Variants in WWC1 observed in about 807,000 individuals in gnomAD.
WWC1 encodes the protein WW and C2 domain containing 1, also known as protein KIBRA.
WWC1 carries 55 observed loss-of-function variants against 138.4 expected under a neutral mutation model. The observed-to-expected ratio is 0.40, with a 90% CI of 0.32 to 0.50. The LOEUF is 0.50. Ranked by LOEUF, WWC1 falls within the 20% of genes least tolerant of loss-of-function variation. WWC1 has a pLI of 0.72. For synonymous variants in WWC1, 524 were observed against 564.9 expected (o/e 0.93, Z 1.03); for missense variants, 1,226 against 1,420.4 (o/e 0.86, Z 2.20).
intron 8 of WWC1, 100 bp from the exon 9 acceptor site, chr5:168,414,248 A>G: frequency 6.7e-7 from 1 of 1,483,216 alleles, no homozygotes; most frequent in South Asian, 1.4e-5. Flanking sequence ...GAAGACAGTA[A>G]CTGTCAAAGA....
chr5:168,429,516 C>T (rs1283955966), intron 13 of WWC1, among the ~76,000 whole-genome samples: 4 of 152,074 alleles, frequency 2.6e-5, no homozygotes, highest in African/African-American at 7.2e-5. Flanking sequence ...GCCTTGGCCT[C>T]CCAAAGTGCT....
At position 168,424,797 on chromosome 5, in the gene WWC1, A is replaced by G. The variant is rs533182020; in HGVS notation, c.1810+729A>G. ...GGAGTTTGGATTTTATCCTAATTGC[A>G]CTGGGGACCCATGTGACCGTTTGAA... is the stretch of plus-strand genomic sequence containing the variant. On this transcript the variant is annotated intron_variant, in intron 11 of 22. Coordinates refer to ENST00000265293, the MANE Select transcript of WWC1 (RefSeq NM_015238.3). 2.0e-5 allele frequency among the ~76,000 whole-genome samples: 3 copies of G among 152,332 alleles called. No individual in the cohort carries two copies. In the South Asian group the frequency reaches 6.2e-4, roughly 32 times the overall value.
intron 3 of WWC1, among the ~76,000 whole-genome samples, chr5:168,387,783 G>T (rs1048867768): frequency 2.0e-5 from 3 of 152,088 alleles, no homozygotes; most frequent in Non-Finnish European, 2.9e-5. Flanking sequence ...TGGGGATTAG[G>T]ACATCAATGT....
chr5:168,392,451 C>G (rs761607181), intron 3 of WWC1, among the ~76,000 whole-genome samples: 5 of 152,130 alleles, frequency 3.3e-5, no homozygotes, highest in Admixed American at 3.3e-4. Flanking sequence ...CTTTGAGAGG[C>G]CGAGATGGGA....
intron 2 of WWC1, among the ~76,000 whole-genome samples, chr5:168,375,834 C>G (rs1279547555): frequency 6.6e-6 from 1 of 152,094 alleles, no homozygotes; most frequent in African/African-American, 2.4e-5. Context: ...CTTGGCCTCC[C>G]AAAGTGCTGG....
At chr5:168,421,498 G>C (rs1222894084) in intron 9 of WWC1, among the ~76,000 whole-genome samples, 1 of 152,202 alleles carries the variant, frequency 6.6e-6, no homozygotes, top group Non-Finnish European at 1.5e-5. Context: ...CTCCCCAGTA[G>C]AATGTAAGCC....
chr5:168,392,358 C>T (rs1179472563), intron 3 of WWC1, among the ~76,000 whole-genome samples: 2 of 152,142 alleles, frequency 1.3e-5, no homozygotes, highest in Non-Finnish European at 2.9e-5. Flanking sequence ...AAGACACTGA[C>T]ATTGAGGATT....
At chr5:168,405,673 C>T (rs1779726766) in intron 5 of WWC1, among the ~76,000 whole-genome samples, 2 of 150,686 alleles carry the variant, frequency 1.3e-5, no homozygotes, top group African/African-American at 4.9e-5. Context: ...CAGCCACACA[C>T]GTTGGCCGTT....
intron 15 of WWC1, among the ~76,000 whole-genome samples, chr5:168,432,490 C>T (rs780347280): frequency 3.3e-5 from 5 of 152,202 alleles, no homozygotes; most frequent in Admixed American, 1.3e-4. Flanking sequence ...ATAGCTAACT[C>T]GGGCTTGTGA....
intron 1 of WWC1, among the ~76,000 whole-genome samples, chr5:168,306,877 G>A (rs1770607744): frequency 1.3e-5 from 2 of 152,148 alleles, no homozygotes; most frequent in African/African-American, 2.4e-5. Context: ...GATTATAGGC[G>A]TAAGCCACCA....
intron 1 of WWC1, among the ~76,000 whole-genome samples, chr5:168,311,013 G>A (rs1467424902): frequency 6.6e-6 from 1 of 152,172 alleles, no homozygotes; most frequent in Non-Finnish European, 1.5e-5. Flanking sequence ...ACCCTTGCAG[G>A]TGCCAATAAT....
At position 168,453,959 on chromosome 5, in the gene WWC1, T is replaced by A; in HGVS notation, c.2526-9T>A. The A allele has an allele frequency of 1.9e-6, 3 of 1,611,950 alleles. No homozygotes were observed. The highest frequency in any genetic ancestry group is 2.5e-6 in the Non-Finnish European group (3 of 1,179,784). ...CTGGGTGGGTAACCAAAGTGCTTTGTCATCACAGGAGGTATGAGGAGACCA... is the reference window on the plus strand; with the variant it reads ...CTGGGTGGGTAACCAAAGTGCTTTGACATCACAGGAGGTATGAGGAGACCA... On this transcript the variant is annotated splice_polypyrimidine_tract_variant and intron_variant, in intron 17 of 22. Coordinates refer to ENST00000265293, the MANE Select transcript of WWC1 (RefSeq NM_015238.3).
chr5:168,457,323 G>T (rs1173298254), intron 19 of WWC1, among the ~76,000 whole-genome samples: 2 of 152,082 alleles, frequency 1.3e-5, no homozygotes, highest in Admixed American at 6.6e-5. Flanking sequence ...TGCAGGCATG[G>T]AGGCTGTCTG....
intron 19 of WWC1, among the ~76,000 whole-genome samples, chr5:168,459,488 A>G (rs1280716467): frequency 6.6e-6 from 1 of 152,132 alleles, no homozygotes; most frequent in Non-Finnish European, 1.5e-5. Context: ...GTTCAACTAT[A>G]CAAGCTTCTT....
intron 11 of WWC1, 151 bp from the exon 12 acceptor site, chr5:168,427,882 C>A: frequency 1.8e-6 from 1 of 562,120 alleles, no homozygotes; most frequent in Non-Finnish European, 3.2e-6. Flanking sequence ...ATCACCAGAA[C>A]CCGAAGTGGT....
chr5:168,423,734 C>G lies in WWC1; in HGVS notation c.1476C>G (p.Phe492Leu), dbSNP rs770875629. Residue 492 changes from phenylalanine (F) to leucine (L), a missense_variant, in exon 11 of 23, where the codon TTC (phenylalanine) becomes TTG (leucine). Physicochemically the swap from Phe to Leu is conservative, Grantham distance 22 (BLOSUM62 0). This residue lies in a region of WWC1 where 1,016 missense variants were observed against 1,153.9 expected (regional missense o/e 0.88). Transcript: ENST00000265293. ...TGCTCCTGGAGGGGGCCACCGGCTTCCGGCCCTCAGGCTGCATCACCACCA... is the reference window on the plus strand; with the variant it reads ...TGCTCCTGGAGGGGGCCACCGGCTTGCGGCCCTCAGGCTGCATCACCACCA... ...EFLLLEGATG[F>L]RPSGCITTIH... is the part of the protein sequence containing the mutation. The G allele has an allele frequency of 1.5e-5, 24 of 1,614,022 alleles. No individual in the cohort carries two copies. The highest frequency in any genetic ancestry group is 1.6e-5 in the Non-Finnish European group (19 of 1,179,904).
intron 1 of WWC1, among the ~76,000 whole-genome samples, chr5:168,368,835 G>C (rs1410542956): frequency 6.6e-6 from 1 of 152,202 alleles, no homozygotes; most frequent in Non-Finnish European, 1.5e-5. Context: ...ACATCTGGCA[G>C]GGCATGGAGG....
chr5:168,432,932 C>T (rs1164539184), intron 15 of WWC1, among the ~76,000 whole-genome samples: 1 of 152,210 alleles, frequency 6.6e-6, no homozygotes, highest in Admixed American at 6.5e-5. Context: ...CTTTCTCCTG[C>T]TGTAAATCAC....
intron 1 of WWC1, among the ~76,000 whole-genome samples, chr5:168,323,765 C>A (rs935808756): frequency 6.6e-5 from 10 of 152,142 alleles, no homozygotes; most frequent in Middle Eastern, 6.8e-3. Context: ...TGATATCACC[C>A]ACAGATCCAA....
Sources: gnomAD v4.1 joint callset for allele counts (sites outside exome capture counted in the v4.1 genomes callset) on GRCh38, gnomAD v4.1.1 for gene constraint, gnomAD v4.1.1 regional missense constraint, MANE v1.5 for transcripts, NCBI Gene and HGNC (gene_info 2026-07-23, HGNC 2026-07-21) for gene names.